Variants in ALDH1A2 observed in about 807,000 individuals in gnomAD.
The protein encoded by ALDH1A2 is aldehyde dehydrogenase 1 family member A2, also known as retinal dehydrogenase 2.
A neutral mutation model predicts 60.3 loss-of-function variants in ALDH1A2; 27 were observed. The observed-to-expected ratio is 0.45, with a 90% confidence interval of 0.33 to 0.62. ALDH1A2 has a LOEUF of 0.62. ALDH1A2 is among the 20% of genes least tolerant of loss of function. The pLI is 0.02. For missense variants in ALDH1A2, 581 were observed against 643.8 expected, an observed-to-expected ratio of 0.90 and a Z score of 1.06; for synonymous variants, 289 against 232.4, an observed-to-expected ratio of 1.24 and a Z score of -2.21.
At chr15:57,960,951 A>G in intron 11 of ALDH1A2, 107 bp from the exon 12 acceptor site, 2 of 1,352,160 alleles carry the variant, frequency 1.5e-6, no homozygotes, top group Non-Finnish European at 2.1e-6. Context: ...CCTTTCCTCC[A>G]GAGGAAAAAA....
intron 7 of ALDH1A2, among the ~76,000 whole-genome samples, chr15:57,991,767 G>C (rs1254667754): frequency 6.6e-6 from 1 of 152,176 alleles, no homozygotes; most frequent in Non-Finnish European, 1.5e-5. Flanking sequence ...TATTTTAAAT[G>C]ACAAATGTTG....
chr15:57,959,954 AC>A (rs1230611741), intron 12 of ALDH1A2, among the ~76,000 whole-genome samples: 1 of 151,892 alleles, frequency 6.6e-6, no homozygotes, highest in Non-Finnish European at 1.5e-5. Flanking sequence ...CCCCACTGCT[AC>A]CCTGTTTTGC....
chr15:58,031,755 T>C (rs1896246700), intron 1 of ALDH1A2, among the ~76,000 whole-genome samples: 1 of 151,956 alleles, frequency 6.6e-6, no homozygotes, highest in Non-Finnish European at 1.5e-5. Context: ...CCTGAAAAAA[T>C]GCTCATCACC....
In ALDH1A2 at chr15:58,043,188, T is replaced by C. The variant is rs556741157; in HGVS notation, c.117+22346A>G. Among the ~76,000 whole-genome samples, 5 of 152,088 alleles carry C rather than the reference T, an allele frequency of 3.3e-5. No homozygotes were observed. The South Asian group carries it at 1.0e-3, about 32-fold the overall frequency. The stretch of plus-strand genomic sequence containing the variant: ...GGAAGGCTAACCATGGCACTTATGA[T>C]ACAAATCTTGTTTCCAGGCTCTTGA... On this transcript the variant is annotated intron_variant, in intron 1 of 12. Transcript: ENST00000249750.
chr15:58,022,845 ACC>A (rs1895969634), intron 1 of ALDH1A2, among the ~76,000 whole-genome samples: 1 of 152,160 alleles, frequency 6.6e-6, no homozygotes, highest in Non-Finnish European at 1.5e-5. Context: ...CCATATATAC[ACC>A]TTCAGGAAAA....
chr15:58,009,122 T>C (rs1361327510), intron 4 of ALDH1A2, among the ~76,000 whole-genome samples: 1 of 152,090 alleles, frequency 6.6e-6, no homozygotes, highest in Non-Finnish European at 1.5e-5. Context: ...ATTTAAAAAA[T>C]AATCCTTGGA....
chr15:57,962,659 G>C (rs1446113926), intron 9 of ALDH1A2, among the ~76,000 whole-genome samples: 1 of 152,026 alleles, frequency 6.6e-6, no homozygotes, highest in African/African-American at 2.4e-5. Flanking sequence ...AGGAACTTTA[G>C]AGGAAAATAT....
At chr15:58,058,386 C>T (rs986035076) in intron 1 of ALDH1A2, among the ~76,000 whole-genome samples, 1 of 149,560 alleles carries the variant, frequency 6.7e-6, no homozygotes, top group Admixed American at 6.7e-5. Context: ...GAGGTAATTC[C>T]ATTCTTCTTG....
intron 1 of ALDH1A2, among the ~76,000 whole-genome samples, chr15:58,049,667 C>T (rs1801306578): frequency 6.6e-6 from 1 of 151,802 alleles, no homozygotes; most frequent in African/African-American, 2.4e-5. Context: ...ACTGGTCTCC[C>T]CAAATGTCTG....
At chr15:57,980,035 G>C (rs560256386) in intron 7 of ALDH1A2, 3 of 324,102 alleles carry the variant, frequency 9.3e-6, no homozygotes, top group Non-Finnish European at 1.3e-5. Flanking sequence ...GCCAATGATC[G>C]AGTGGTCCAT....
chr15:57,963,242 T>C (rs759760379), intron 9 of ALDH1A2, among the ~76,000 whole-genome samples: 16 of 152,134 alleles, frequency 1.1e-4, no homozygotes, highest in Non-Finnish European at 2.2e-4. Context: ...AGTTCAGTGA[T>C]TGGAAGGACT....
At chr15:57,971,183 G>C (rs1443938311) in intron 7 of ALDH1A2, among the ~76,000 whole-genome samples, 2 of 152,184 alleles carry the variant, frequency 1.3e-5, no homozygotes, top group African/African-American at 4.8e-5. Flanking sequence ...ACATGCCTGT[G>C]TGTCTTTGCA....
intron 1 of ALDH1A2, chr15:58,036,579 A>C (rs764564417): frequency 1.3e-5 from 2 of 151,658 alleles, no homozygotes; most frequent in African/African-American, 4.8e-5. Flanking sequence ...GGAACTAAGA[A>C]GGAAAAGAAT....
At chr15:58,041,697 T>G (rs572155466) in intron 1 of ALDH1A2, among the ~76,000 whole-genome samples, 1 of 152,042 alleles carries the variant, frequency 6.6e-6, no homozygotes, top group East Asian at 1.9e-4. Context: ...TTCCCAAAGT[T>G]CTCATCTCCT....
chr15:57,956,164 C>G (rs1893518180), intron 12 of ALDH1A2, among the ~76,000 whole-genome samples: 1 of 152,080 alleles, frequency 6.6e-6, no homozygotes, highest in Non-Finnish European at 1.5e-5. Context: ...TAGCCTACAA[C>G]AGCAGGCACA....
At position 57,995,111 on chromosome 15, in the gene ALDH1A2, A is replaced by G. The variant is rs747192456; in HGVS notation, c.522T>C (p.His174=). Residue 174 remains histidine, a synonymous_variant, in exon 5 of 13, where the codon CAT becomes CAC. Transcript: ENST00000249750. ...TCTGTCCACACACTCCAATGGGTTC[A>G]TGTCTTGTAAAGGTAAAATAGTCTC... The part of the protein sequence containing the change: ...VDGDYFTFTR[H]EPIGVCGQII... 6.2e-7 allele frequency: 1 copy of G among 1,603,970 alleles called. No individual in the cohort carries two copies.
chr15:58,004,743 A>ATATATT (rs1213743197), intron 4 of ALDH1A2, among the ~76,000 whole-genome samples: 1 of 146,970 alleles, frequency 6.8e-6, no homozygotes, highest in Non-Finnish European at 1.5e-5. Flanking sequence ...ATATATATAT[A>ATATATT]TTTTATCCAG....
intron 4 of ALDH1A2, among the ~76,000 whole-genome samples, chr15:58,000,418 A>C (rs1438528581): frequency 6.6e-6 from 1 of 151,912 alleles, no homozygotes; most frequent in Non-Finnish European, 1.5e-5. Context: ...GGGTTACCGT[A>C]AGACCAGTTA....
At chr15:58,002,683 T>G (rs192920700) in intron 4 of ALDH1A2, among the ~76,000 whole-genome samples, 11 of 151,928 alleles carry the variant, frequency 7.2e-5, no homozygotes, top group Non-Finnish European at 1.3e-4. Flanking sequence ...GCAAATTTTA[T>G]ATACCTAGTA....
Sources: allele counts gnomAD v4.1 joint callset (sites outside exome capture counted in the v4.1 genomes callset), GRCh38; gene constraint gnomAD v4.1.1; transcripts MANE v1.5; gene names NCBI Gene and HGNC (gene_info 2026-07-23, HGNC 2026-07-21).